The following APOO variants were observed in gnomAD, a reference collection of about 807,000 sequenced individuals.
APOO encodes the protein MICOS complex subunit MIC26.
A neutral mutation model predicts 23.1 loss-of-function variants in APOO; 11 were observed. The ratio of observed to expected loss-of-function variants is 0.48; its 90% confidence interval spans 0.30 to 0.79. The LOEUF (loss-of-function observed/expected upper bound fraction) is 0.79, where lower values mean the gene tolerates loss of function less well. APOO is among the 30% of genes least tolerant of loss of function. The pLI, the probability that APOO is intolerant of heterozygous loss-of-function variation, is 0.07. For synonymous variants in APOO, 59 were observed against 54.8 expected (o/e 1.08, Z -0.34); for missense variants, 160 against 142.7 (o/e 1.12, Z -0.62).
At chrX:23,905,114 C>T (rs748181699) in intron 1 of APOO, among the ~76,000 whole-genome samples, 7 of 109,992 alleles carry the variant, frequency 6.4e-5, no homozygotes, top group Non-Finnish European at 1.3e-4. Flanking sequence ...TTCAGTCGGG[C>T]GCGGTGGGTC....
intron 5 of APOO, 62 bp from the exon 6 acceptor site, chrX:23,858,795 C>T: frequency 9.6e-7 from 1 of 1,039,820 alleles, no homozygotes; most frequent in Non-Finnish European, 1.3e-6. Context: ...TCACAATTTA[C>T]CTTATCCATT....
chrX:23,840,973 C>T (rs1009290146), intron 7 of APOO: 2 of 112,003 alleles, frequency 1.8e-5, no homozygotes, highest in Non-Finnish European at 3.8e-5. Context: ...GGAAAAGCTT[C>T]TAGTGGGAAA....
chrX:23,837,844 G>A (rs1287288130), intron 8 of APOO, among the ~76,000 whole-genome samples: 5 of 105,344 alleles, frequency 4.7e-5, no homozygotes, highest in African/African-American at 1.4e-4. Flanking sequence ...ATTTTTTGTA[G>A]AGACAGGGTT....
In APOO at chrX:23,874,557, T is replaced by C. The variant is rs925513890; in HGVS notation, c.238-100A>G. Reference sequence around the variant, plus strand: ...CTTGTTTTTACTGAATAAATTATCATGTTATTAACGCTTTTTGAACAAAGG... The same window carrying C: ...CTTGTTTTTACTGAATAAATTATCACGTTATTAACGCTTTTTGAACAAAGG... On this transcript the variant is annotated intron_variant, in intron 3 of 8. Coordinates refer to ENST00000379226, the MANE Select transcript of APOO (RefSeq NM_024122.5). 8.0e-5 allele frequency: 58 copies of C among 723,739 alleles called. 1 individual carries two copies. In the East Asian group the frequency reaches 1.2e-3, roughly 15 times the overall value. 59.6% of individuals were successfully genotyped at this position (723,739 alleles called of 1,213,427 possible).
At position 23,868,629 on chromosome X, in the gene APOO, C is replaced by A; in HGVS notation, c.352G>T (p.Gly118Cys). ...PGFFPRLGVI[G>C]FAGLIGLLLA... ...AGGAGTCCAATAAGGCCAGCAAAAC[C>A]AATAACACCAAGTCTCGGAAAAAAT... is the stretch of plus-strand genomic sequence containing the variant. The change falls in exon 5 of 9, where the codon GGT becomes TGT. Residue 118 changes from glycine to cysteine, a missense_variant. Gly to Cys is a radical substitution (Grantham distance 159). Coordinates refer to ENST00000379226, the MANE Select transcript of APOO (RefSeq NM_024122.5). 8.3e-7 allele frequency: 1 copy of A among 1,209,018 alleles called. No homozygotes were observed.
intron 3 of APOO, among the ~76,000 whole-genome samples, chrX:23,875,774 T>C (rs1245905596): frequency 9.0e-6 from 1 of 110,820 alleles, no homozygotes; most frequent in African/African-American, 3.3e-5. Flanking sequence ...GCTATCCTCA[T>C]TCTTTTAAAT....
At chrX:23,895,702 T>C (rs1447952328) in intron 1 of APOO, among the ~76,000 whole-genome samples, 2 of 110,798 alleles carry the variant, frequency 1.8e-5, no homozygotes, top group Non-Finnish European at 3.8e-5. Flanking sequence ...CAATCTCTAC[T>C]GGAACCTTTT....
intron 7 of APOO, among the ~76,000 whole-genome samples, chrX:23,855,036 TTTTC>T (rs1924720358): frequency 9.3e-6 from 1 of 107,595 alleles, no homozygotes; most frequent in Non-Finnish European, 1.9e-5. Flanking sequence ...TTTTTTCTTT[TTTTC>T]TTTTTTTTTT....
Position 23,907,928 on chromosome X carries a change from T to C in APOO, c.-226A>G. ...CAGCGCGTCGCGCCCGGGCAGCGGGTGAACGCAAACCCCGCCCTCCAGGAG... is the reference window on the plus strand; with the variant it reads ...CAGCGCGTCGCGCCCGGGCAGCGGGCGAACGCAAACCCCGCCCTCCAGGAG... On this transcript the variant is annotated 5_prime_UTR_variant, in exon 1 of 9. Coordinates refer to ENST00000379226, the MANE Select transcript of APOO (RefSeq NM_024122.5). 5.4e-6 allele frequency: 2 copies of C among 371,700 alleles called. No individual in the cohort carries two copies. Among genetic ancestry groups the C allele is most frequent in the South Asian group, 6.6e-5 (1 of 15,153 alleles). The allele number at this position is 371,700 out of a possible 1,213,427, so 30.6% of individuals were successfully genotyped here.
intron 5 of APOO, among the ~76,000 whole-genome samples, chrX:23,867,140 AAACG>A (rs1207950627): frequency 9.0e-6 from 1 of 110,946 alleles, no homozygotes; most frequent in Non-Finnish European, 1.9e-5. Context: ...AAACGAAACG[AAACG>A]AAACTAAACT....
intron 5 of APOO, among the ~76,000 whole-genome samples, chrX:23,862,522 T>A (rs1297404817): frequency 9.2e-6 from 1 of 108,909 alleles, no homozygotes; most frequent in Non-Finnish European, 1.9e-5. Context: ...ATGCCTATAA[T>A]CCTAGCGCTT....
chrX:23,873,692 C>A (rs1925720423), intron 4 of APOO, among the ~76,000 whole-genome samples: 1 of 110,968 alleles, frequency 9.0e-6, no homozygotes, highest in South Asian at 3.7e-4. Flanking sequence ...TCAGAAATAT[C>A]AGGACATCAA....
At chrX:23,855,861 G>T (rs763578405) in intron 7 of APOO, among the ~76,000 whole-genome samples, 1 of 111,821 alleles carries the variant, frequency 8.9e-6, no homozygotes, top group Non-Finnish European at 1.9e-5. Flanking sequence ...AGAAGCCTGG[G>T]GGATAAACAG....
chrX:23,867,133 C>T (rs747626875), intron 5 of APOO, among the ~76,000 whole-genome samples: 58 of 110,359 alleles, frequency 5.3e-4, no homozygotes, highest in African/African-American at 1.7e-3. Context: ...CGAAACGAAA[C>T]GAAACGAAAC....
At chrX:23,840,739 A>T (rs12689554) in intron 7 of APOO, 60,339 of 128,626 alleles carry the variant, frequency 0.47, 13,297 homozygotes, top group African/African-American at 0.89. Context: ...GTTGATTCTA[A>T]TTAAAAAATC....
intron 1 of APOO, among the ~76,000 whole-genome samples, chrX:23,882,431 CTAAA>C (rs1016776228): frequency 8.9e-6 from 1 of 111,775 alleles, no homozygotes; most frequent in Non-Finnish European, 1.9e-5. Flanking sequence ...TAAATCATGC[CTAAA>C]TAGTTAGAGA....
chrX:23,862,551 A>G (rs1925106381), intron 5 of APOO, among the ~76,000 whole-genome samples: 1 of 106,548 alleles, frequency 9.4e-6, no homozygotes, highest in Non-Finnish European at 1.9e-5. Context: ...TGAAGAAGGA[A>G]GACTGCTTGA....
chrX:23,891,520 C>A (rs1205887037), intron 1 of APOO, among the ~76,000 whole-genome samples: 1 of 111,986 alleles, frequency 8.9e-6, no homozygotes, highest in Non-Finnish European at 1.9e-5. Flanking sequence ...AGCCACCACA[C>A]CTGGCCAAAA....
chrX:23,856,833 C>T (rs1038332388), intron 6 of APOO, among the ~76,000 whole-genome samples: 13 of 112,896 alleles, frequency 1.2e-4, no homozygotes, highest in Non-Finnish European at 2.2e-4. Flanking sequence ...GGATTACAGG[C>T]GTGGGCCAAC....
Sources: gnomAD v4.1 joint callset for allele counts (sites outside exome capture counted in the v4.1 genomes callset) on GRCh38, gnomAD v4.1.1 for gene constraint, MANE v1.5 for transcripts, NCBI Gene and HGNC (gene_info 2026-07-23, HGNC 2026-07-21) for gene names.